The following NME7 variants were observed in gnomAD, a reference collection of about 807,000 sequenced individuals.
NME7 encodes NME/NM23 family member 7, also known as nucleoside diphosphate kinase 7.
In NME7, 41 loss-of-function variants were observed where a neutral mutation model predicts 49.1. That is an observed-to-expected ratio of 0.83 (90% CI 0.65 to 1.08). The LOEUF (loss-of-function observed/expected upper bound fraction) is 1.08, where lower values mean the gene tolerates loss of function less well. NME7 is among the 50% of genes least tolerant of loss of function. NME7 has a pLI of 0.00. For missense variants in NME7, 423 were observed against 463.4 expected (o/e 0.91, Z 0.80); for synonymous variants, 139 against 150.6 (o/e 0.92, Z 0.56).
chr1:169,367,747 T>C lies in NME7; in HGVS notation c.-37A>G. The C allele has an allele frequency of 1.2e-6, 2 of 1,613,850 alleles. No individual in the cohort carries two copies. The highest frequency in any genetic ancestry group is 1.7e-6 in the Non-Finnish European group (2 of 1,179,848). ...CTCAGCACTAGAAAATAGGTATCGT[T>C]GAGACAGGAAGACACCACCACCACC... On this transcript the variant is annotated 5_prime_UTR_variant, in exon 1 of 12. Transcript: ENST00000367811.
At chr1:169,296,344 C>A (rs759497525) in intron 6 of NME7, among the ~76,000 whole-genome samples, 7 of 152,112 alleles carry the variant, frequency 4.6e-5, no homozygotes, top group African/African-American at 7.2e-5. Context: ...TTATTTGACA[C>A]CACTGGTCAT....
At chr1:169,345,844 G>A (rs535656819) in intron 1 of NME7, among the ~76,000 whole-genome samples, 1 of 152,206 alleles carries the variant, frequency 6.6e-6, no homozygotes, top group Non-Finnish European at 1.5e-5. Flanking sequence ...GCCCCAAGTT[G>A]AAATCCTGCT....
intron 10 of NME7, among the ~76,000 whole-genome samples, chr1:169,227,838 C>G (rs1342939271): frequency 2.6e-5 from 4 of 152,120 alleles, no homozygotes; most frequent in Non-Finnish European, 5.9e-5. Flanking sequence ...CATTCCCAGG[C>G]TGAGCTAAGT....
At chr1:169,339,762 T>C (rs1652614804) in intron 1 of NME7, among the ~76,000 whole-genome samples, 2 of 152,190 alleles carry the variant, frequency 1.3e-5, no homozygotes, top group African/African-American at 4.8e-5. Flanking sequence ...TCCATGAACT[T>C]CATCAAAGGA....
At chr1:169,345,061 G>A (rs1652907595) in intron 1 of NME7, among the ~76,000 whole-genome samples, 1 of 152,090 alleles carries the variant, frequency 6.6e-6, no homozygotes, top group Admixed American at 6.6e-5. Context: ...AGTTTTAGTA[G>A]TTATGTCTTT....
chr1:169,355,598 C>G (rs1653443038), intron 1 of NME7, among the ~76,000 whole-genome samples: 1 of 151,280 alleles, frequency 6.6e-6, no homozygotes, highest in Non-Finnish European at 1.5e-5. Flanking sequence ...AGGCTCCCAC[C>G]TCAGGGTCTT....
chr1:169,251,953 T>C (rs1184883720), intron 7 of NME7, among the ~76,000 whole-genome samples: 1 of 150,276 alleles, frequency 6.7e-6, no homozygotes, highest in African/African-American at 2.4e-5. Context: ...CTTAATCCAG[T>C]CTATCATTGT....
intron 11 of NME7, among the ~76,000 whole-genome samples, chr1:169,159,018 T>C (rs373656682): frequency 2.0e-5 from 3 of 152,144 alleles, no homozygotes; most frequent in East Asian, 1.9e-4. Flanking sequence ...TGTTCCCAAG[T>C]AACAGAACTA....
At chr1:169,214,995 T>C (rs1660935770) in intron 10 of NME7, among the ~76,000 whole-genome samples, 1 of 152,264 alleles carries the variant, frequency 6.6e-6, no homozygotes. Flanking sequence ...TTTTTGGGTA[T>C]TCACACTTGG....
chr1:169,344,742 T>C (rs1271438086), intron 1 of NME7, among the ~76,000 whole-genome samples: 2 of 152,192 alleles, frequency 1.3e-5, no homozygotes, highest in Non-Finnish European at 2.9e-5. Context: ...ATTCTATGTA[T>C]TGCTAATATT....
intron 10 of NME7, among the ~76,000 whole-genome samples, chr1:169,177,949 G>A (rs1279836063): frequency 6.6e-6 from 1 of 151,960 alleles, no homozygotes; most frequent in Non-Finnish European, 1.5e-5. Context: ...CCATTCTCCT[G>A]CCTCAGCCTC....
intron 7 of NME7, among the ~76,000 whole-genome samples, chr1:169,261,816 T>C (rs1480518510): frequency 7.5e-6 from 1 of 133,824 alleles, no homozygotes; most frequent in Non-Finnish European, 1.8e-5. Context: ...AAAAAGATTC[T>C]AAAATTAGGG....
intron 10 of NME7, among the ~76,000 whole-genome samples, chr1:169,184,255 C>T (rs1247165150): frequency 6.6e-6 from 1 of 152,066 alleles, no homozygotes; most frequent in Admixed American, 6.5e-5. Context: ...GCAATTTTCT[C>T]TTGTACTATT....
intron 7 of NME7, among the ~76,000 whole-genome samples, chr1:169,275,451 C>T (rs1173105028): frequency 1.9e-5 from 2 of 105,796 alleles, no homozygotes; most frequent in East Asian, 4.5e-4. Flanking sequence ...TGCACTCCAG[C>T]CTGGGCGACA....
chr1:169,356,570 T>C (rs879474763), intron 1 of NME7, among the ~76,000 whole-genome samples: 4 of 152,166 alleles, frequency 2.6e-5, no homozygotes, highest in Non-Finnish European at 5.9e-5. Flanking sequence ...TTAAAAATTA[T>C]ATGAATAAGA....
At chr1:169,284,210 T>C (rs1430163201) in intron 7 of NME7, 1 of 152,156 alleles carries the variant, frequency 6.6e-6, no homozygotes, top group African/African-American at 2.4e-5. Context: ...CTTCAGTCAC[T>C]GACATCCTTT....
At chr1:169,361,058 G>A (rs1255868499) in intron 1 of NME7, among the ~76,000 whole-genome samples, 1 of 152,026 alleles carries the variant, frequency 6.6e-6, no homozygotes, top group Non-Finnish European at 1.5e-5. Flanking sequence ...CCATGAGTTA[G>A]GGGCCACTGT....
intron 7 of NME7, among the ~76,000 whole-genome samples, chr1:169,253,355 T>C (rs1315535561): frequency 2.0e-5 from 3 of 150,936 alleles, no homozygotes; most frequent in Non-Finnish European, 4.4e-5. Flanking sequence ...ATGATTTGGC[T>C]CTCTGTTTGT....
rs202214804 is a variant in NME7 at position 169,260,445 on chromosome 1, A to AT, written c.755-22759dup. Reference sequence around the variant, plus strand: ...TATAATCTGCCATGTAACTTGAATCATTTTTTCAAGTCTTATAAAATGAGA... The same window carrying AT: ...TATAATCTGCCATGTAACTTGAATCATTTTTTTCAAGTCTTATAAAATGAGA... On this transcript the variant is annotated intron_variant, in intron 7 of 11. Transcript: ENST00000367811. 9.8e-3 allele frequency among the ~76,000 whole-genome samples: 1,299 copies of AT among 132,732 alleles called. 321 individuals carry two copies. The highest frequency in any genetic ancestry group is 0.015 in the Non-Finnish European group (859 of 56,476). The allele number at this position is 132,732 out of a possible 152,430, so 87.1% of individuals were successfully genotyped here. A position where few individuals can be genotyped will look rare whatever the true frequency, so the allele number is the denominator to read the frequency against.
Sources: gnomAD v4.1 joint callset for allele counts (sites outside exome capture counted in the v4.1 genomes callset) on GRCh38, gnomAD v4.1.1 for gene constraint, MANE v1.5 for transcripts, NCBI Gene and HGNC (gene_info 2026-07-23, HGNC 2026-07-21) for gene names.